Variants in ZNF362 observed in about 807,000 individuals in gnomAD.
ZNF362 encodes rotund homolog.
In ZNF362, 11 loss-of-function variants were observed where a neutral mutation model predicts 42.9. That is an observed-to-expected ratio of 0.26 (90% CI 0.16 to 0.42). ZNF362 has a LOEUF of 0.42. Ranked by LOEUF, ZNF362 falls within the 20% of genes least tolerant of loss-of-function variation. The probability of loss-of-function intolerance (pLI) is 1.00; values close to 1 mark genes in which losing one functional copy is unlikely to be tolerated. For missense variants in ZNF362, 362 were observed against 576.2 expected, an observed-to-expected ratio of 0.63 and a Z score of 3.81; for synonymous variants, 255 against 257.3, an observed-to-expected ratio of 0.99 and a Z score of 0.09.
At chr1:33,274,776 C>A (rs1645930346) in intron 2 of ZNF362, 1 of 207,342 alleles carries the variant, frequency 4.8e-6, no homozygotes, top group South Asian at 1.7e-4. Flanking sequence ...CTAGTTTTGA[C>A]TGTGGCACCT....
chr1:33,169,806 T>C, the ZNF362 span, among the ~76,000 whole-genome samples: 3 of 152,210 alleles, frequency 2.0e-5, no homozygotes, highest in South Asian at 2.1e-4. Context: ...TATCAGACAG[T>C]GCAGACACAG....
chr1:33,158,448 G>C, the ZNF362 span: 1 of 1,127,918 alleles, frequency 8.9e-7, no homozygotes, highest in South Asian at 1.3e-5. Flanking sequence ...GCCACCTTCA[G>C]GGCAGCTGGC....
At chr1:33,155,387 C>T in the ZNF362 span, among the ~76,000 whole-genome samples, 2 of 152,044 alleles carry the variant, frequency 1.3e-5, no homozygotes, top group Admixed American at 6.5e-5. Flanking sequence ...GACTCTTGAA[C>T]GTGCCTTGAG....
At chr1:33,181,058 G>C in the ZNF362 span, 1 of 1,597,566 alleles carries the variant, frequency 6.3e-7, no homozygotes, top group Admixed American at 1.7e-5. This position sits in a 1 kb window ranked among gnomAD's most constrained non-coding sequence, Gnocchi z 6.5. Flanking sequence ...CGATGCCGGT[G>C]ACCTGATGCT....
chr1:33,235,624 G>A, the ZNF362 span, among the ~76,000 whole-genome samples: 565 of 152,264 alleles, frequency 3.7e-3, no homozygotes, highest in Non-Finnish European at 6.0e-3. Flanking sequence ...TAGTGGAGGA[G>A]TGAGATTGGG....
At chr1:33,274,434 CTGG>C (rs1231216992) in intron 2 of ZNF362, among the ~76,000 whole-genome samples, 2 of 152,216 alleles carry the variant, frequency 1.3e-5, no homozygotes, top group East Asian at 3.8e-4. Flanking sequence ...CGAGTTTGTT[CTGG>C]GAAAGGATAT....
the ZNF362 span, among the ~76,000 whole-genome samples, chr1:33,177,105 A>G: frequency 6.6e-6 from 1 of 151,664 alleles, no homozygotes; most frequent in Non-Finnish European, 1.5e-5. The surrounding 1 kb of genome is among the most constrained non-coding windows in gnomAD (Gnocchi z 4.1). Flanking sequence ...ACACACATGC[A>G]CACACACATG....
At chr1:33,200,054 A>AAACAG in the ZNF362 span, 1 of 153,050 alleles carries the variant, frequency 6.5e-6, no homozygotes, top group Non-Finnish European at 1.5e-5. Context: ...AAACAAAACA[A>AAACAG]AAAAACCAGT....
the ZNF362 span, among the ~76,000 whole-genome samples, chr1:33,202,318 C>G: frequency 6.6e-6 from 1 of 152,228 alleles, no homozygotes; most frequent in South Asian, 2.1e-4. Flanking sequence ...TGTATCAGGC[C>G]GGGCGTGGTG....
the ZNF362 span, among the ~76,000 whole-genome samples, chr1:33,210,711 GT>G: frequency 6.6e-6 from 1 of 151,932 alleles, no homozygotes; most frequent in Admixed American, 6.6e-5. Context: ...ATCTTTGTTG[GT>G]TTAAAGTCTG....
chr1:33,190,528 C>G, the ZNF362 span, among the ~76,000 whole-genome samples: 1 of 152,178 alleles, frequency 6.6e-6, no homozygotes, highest in Non-Finnish European at 1.5e-5. Flanking sequence ...CTTTATTGCT[C>G]CAGTGAAGGT....
chr1:33,289,687 A>G (rs953478956), intron 6 of ZNF362, among the ~76,000 whole-genome samples: 4 of 152,208 alleles, frequency 2.6e-5, no homozygotes, highest in Admixed American at 2.6e-4. Flanking sequence ...GGGAGAAAGA[A>G]CTTGCTTTCC....
intron 8 of ZNF362, 128 bp from the exon 9 acceptor site, chr1:33,298,802 A>T: frequency 5.3e-6 from 4 of 753,780 alleles, no homozygotes; most frequent in Admixed American, 1.9e-5. Flanking sequence ...GACCCTGCAA[A>T]ACTGTGGCTG....
At chr1:33,195,337 T>C in the ZNF362 span, 1 of 152,272 alleles carries the variant, frequency 6.6e-6, no homozygotes, top group Non-Finnish European at 1.5e-5. Context: ...CCAATCAAAA[T>C]GGAAGAATAA....
the ZNF362 span, chr1:33,143,034 G>T: frequency 3.3e-5 from 5 of 152,234 alleles, no homozygotes; most frequent in Non-Finnish European, 5.9e-5. Flanking sequence ...TCTGTCCTGG[G>T]TAAGGGCTTT....
the ZNF362 span, among the ~76,000 whole-genome samples, chr1:33,240,681 G>T: frequency 1.3e-5 from 2 of 152,098 alleles, no homozygotes. Context: ...TCTTGTTCAA[G>T]CTAACTTTGG....
chr1:33,269,518 A>T (rs1442068322), intron 1 of ZNF362, among the ~76,000 whole-genome samples: 1 of 152,124 alleles, frequency 6.6e-6, no homozygotes, highest in Non-Finnish European at 1.5e-5. Context: ...GCTAGTTCCC[A>T]TGTGACCATG....
chr1:33,136,759 G>T, the ZNF362 span, among the ~76,000 whole-genome samples: 1 of 151,730 alleles, frequency 6.6e-6, no homozygotes, highest in Non-Finnish European at 1.5e-5. Flanking sequence ...CAGCACTTTG[G>T]GAGGCCGAGG....
At chr1:33,236,531 TAAA>T in the ZNF362 span, among the ~76,000 whole-genome samples, 13 of 4,196 alleles carry the variant, frequency 3.1e-3, 2 homozygotes, top group African/African-American at 4.8e-3. Flanking sequence ...CTCTGCCTCT[TAAA>T]AAAAAAAAAA....
Sources: gnomAD v4.1 joint callset for allele counts (sites outside exome capture counted in the v4.1 genomes callset) on GRCh38, gnomAD v4.1.1 for gene constraint, Gnocchi (gnomAD v3.1) non-coding constraint, MANE v1.5 for transcripts, NCBI Gene and HGNC (gene_info 2026-07-23, HGNC 2026-07-21) for gene names.